Variants in ZNF385D observed in about 807,000 individuals in gnomAD.
The protein encoded by ZNF385D is zinc finger protein 385D, also known as zinc finger protein 659.
Under a neutral mutation model 35.8 loss-of-function variants are expected in ZNF385D, and 15 were observed. That is an observed-to-expected ratio of 0.42 (90% CI 0.28 to 0.64). The LOEUF (loss-of-function observed/expected upper bound fraction) is 0.64, where lower values mean the gene tolerates loss of function less well. Ranked by LOEUF, ZNF385D falls within the 30% of genes least tolerant of loss-of-function variation. The pLI is 0.23. For missense variants in ZNF385D, 474 were observed against 494.6 expected, an observed-to-expected ratio of 0.96 and a Z score of 0.39; for synonymous variants, 212 against 186.8, an observed-to-expected ratio of 1.13 and a Z score of -1.10.
intron 3 of ZNF385D, among the ~76,000 whole-genome samples, chr3:21,562,833 T>C (rs2063001557): frequency 3.2e-5 from 1 of 31,408 alleles, no homozygotes. Context: ...AGAGGACTCT[T>C]TTTTAACAAC....
chr3:22,104,915 G>A (rs1289113262), intron 3 of ZNF385D, among the ~76,000 whole-genome samples: 1 of 152,102 alleles, frequency 6.6e-6, no homozygotes, highest in Non-Finnish European at 1.5e-5. Flanking sequence ...AGAGAATGCT[G>A]AAGAACGGTC....
chr3:21,951,337 GCTAT>G (rs1248398387), intron 3 of ZNF385D, among the ~76,000 whole-genome samples: 4 of 151,614 alleles, frequency 2.6e-5, no homozygotes, highest in East Asian at 1.9e-4. Flanking sequence ...TCATGATTTG[GCTAT>G]CTGATTGTCT....
chr3:21,763,184 A>T (rs2070693326), intron 3 of ZNF385D, among the ~76,000 whole-genome samples: 1 of 152,246 alleles, frequency 6.6e-6, no homozygotes, highest in Non-Finnish European at 1.5e-5. Context: ...TTGATTTTGC[A>T]ATTAGTCTGA....
At chr3:21,872,681 C>T (rs1308025957) in intron 3 of ZNF385D, among the ~76,000 whole-genome samples, 1 of 151,976 alleles carries the variant, frequency 6.6e-6, no homozygotes, top group Non-Finnish European at 1.5e-5. Context: ...GGCAAAATGG[C>T]CTGAAAGAAA....
chr3:21,908,118 A>ATATCTATCTATC (rs61001621), intron 3 of ZNF385D, among the ~76,000 whole-genome samples: 87 of 135,740 alleles, frequency 6.4e-4, no homozygotes, highest in Admixed American at 1.4e-3. Flanking sequence ...CTTTCTCTCT[A>ATATCTATCTATC]TATCTATCTA....
At chr3:21,538,938 C>T (rs1261679598) in intron 3 of ZNF385D, among the ~76,000 whole-genome samples, 1 of 152,036 alleles carries the variant, frequency 6.6e-6, no homozygotes, top group Non-Finnish European at 1.5e-5. Context: ...TTAGCTCATA[C>T]ACTGTGGCTA....
At chr3:22,033,358 T>G (rs1056119579) in intron 3 of ZNF385D, among the ~76,000 whole-genome samples, 1 of 151,386 alleles carries the variant, frequency 6.6e-6, no homozygotes, top group African/African-American at 2.4e-5. Context: ...GCCAAGATCA[T>G]GCCACTGCAC....
chr3:22,104,641 C>T (rs1702113469), intron 3 of ZNF385D, among the ~76,000 whole-genome samples: 1 of 151,760 alleles, frequency 6.6e-6, no homozygotes, highest in South Asian at 2.1e-4. Flanking sequence ...CAACAGGCAA[C>T]AGTGGCACGA....
At chr3:21,569,874 C>T (rs1559416537) in intron 2 of ZNF385D, among the ~76,000 whole-genome samples, 1 of 123,844 alleles carries the variant, frequency 8.1e-6, no homozygotes, top group Non-Finnish European at 1.6e-5. Context: ...CACATGGACA[C>T]AGGAAGGGGA....
At chr3:21,584,085 T>C (rs2063744746) in intron 2 of ZNF385D, among the ~76,000 whole-genome samples, 1 of 152,008 alleles carries the variant, frequency 6.6e-6, no homozygotes, top group South Asian at 2.1e-4. Context: ...GCTATTCTCC[T>C]GCCTCAGCCT....
intron 3 of ZNF385D, among the ~76,000 whole-genome samples, chr3:22,103,510 C>G (rs1418680995): frequency 6.6e-6 from 1 of 152,016 alleles, no homozygotes; most frequent in East Asian, 1.9e-4. Context: ...CTGTTTTTCT[C>G]CAAATGGATG....
At chr3:22,184,031 A>C (rs1278641682) in intron 2 of ZNF385D, among the ~76,000 whole-genome samples, 2 of 152,178 alleles carry the variant, frequency 1.3e-5, no homozygotes, top group Non-Finnish European at 2.9e-5. Flanking sequence ...ATCAACTCCA[A>C]TTCTCTGGTG....
At chr3:22,078,943 A>G (rs992552384) in intron 3 of ZNF385D, among the ~76,000 whole-genome samples, 3 of 151,936 alleles carry the variant, frequency 2.0e-5, no homozygotes, top group African/African-American at 7.3e-5. Context: ...AAATTGACCT[A>G]TTTTTCTTTA....
At chr3:21,505,032 C>A in intron 4 of ZNF385D, among the ~76,000 whole-genome samples, 1 of 152,092 alleles carries the variant, frequency 6.6e-6, no homozygotes, top group East Asian at 1.9e-4. Context: ...AAGCATGAAC[C>A]ATTCCAGGAA....
intron 3 of ZNF385D, among the ~76,000 whole-genome samples, chr3:21,908,347 G>T (rs987330047): frequency 2.4e-4 from 37 of 151,928 alleles, no homozygotes; most frequent in African/African-American, 4.1e-4. Flanking sequence ...ATTACATGAG[G>T]AACAGATAGA....
intron 2 of ZNF385D, among the ~76,000 whole-genome samples, chr3:22,256,211 A>G (rs1031167934): frequency 7.3e-6 from 1 of 137,496 alleles, no homozygotes; most frequent in Non-Finnish European, 1.5e-5. Context: ...ACATATATAC[A>G]TATATATACA....
At chr3:22,110,288 G>A (rs373758713) in intron 3 of ZNF385D, among the ~76,000 whole-genome samples, 1 of 151,890 alleles carries the variant, frequency 6.6e-6, no homozygotes. Context: ...CCATTACTGG[G>A]TATATACCCA....
chr3:21,667,218 G>A (rs142956425), intron 1 of ZNF385D, among the ~76,000 whole-genome samples: 13 of 152,270 alleles, frequency 8.5e-5, no homozygotes, highest in African/African-American at 3.1e-4. Flanking sequence ...CTGGAGTGCT[G>A]TGGTGCCATT....
intron 3 of ZNF385D, among the ~76,000 whole-genome samples, chr3:22,065,101 T>C (rs1310210953): frequency 6.6e-6 from 1 of 152,168 alleles, no homozygotes; most frequent in Non-Finnish European, 1.5e-5. Flanking sequence ...TGGCTTTGAT[T>C]TTAAATAGAA....
Sources: allele counts gnomAD v4.1 joint callset (sites outside exome capture counted in the v4.1 genomes callset), GRCh38; gene constraint gnomAD v4.1.1; transcripts MANE v1.5; gene names NCBI Gene and HGNC (gene_info 2026-07-23, HGNC 2026-07-21).